The following GABRA6 variants were observed in gnomAD, a reference collection of about 807,000 sequenced individuals.
GABRA6 encodes the protein gamma-aminobutyric acid receptor subunit alpha-6.
In GABRA6, 45 loss-of-function variants were observed where a neutral mutation model predicts 47.3. The ratio of observed to expected loss-of-function variants is 0.95; its 90% CI spans 0.75 to 1.22. GABRA6 has a LOEUF of 1.22. Ranked by LOEUF, GABRA6 falls within the 50% of genes most tolerant of loss-of-function variation. The probability of loss-of-function intolerance (pLI) is 0.00; values close to 1 mark genes in which losing one functional copy is unlikely to be tolerated. For synonymous variants in GABRA6, 219 were observed against 194.7 expected, an observed-to-expected ratio of 1.12 and a Z score of -1.04; for missense variants, 583 against 549.3, an observed-to-expected ratio of 1.06 and a Z score of -0.61.
Position 161,692,008 on chromosome 5 carries a change from A to C in GABRA6, c.894A>C (p.Ser298=), listed in dbSNP as rs1191880749. 1 of 1,614,160 alleles carries C rather than the reference A, an allele frequency of 6.2e-7. No homozygotes were observed. The change falls in exon 8 of 9, where the codon TCA becomes TCC. Residue 298 remains serine (S), a synonymous_variant. Coordinates refer to ENST00000274545, the MANE Select transcript of GABRA6 (RefSeq NM_000811.3). ...CCCGGCACTCTTTGCCAAAAGTGTC[A>C]TATGCCACTGCCATGGATTGGTTCA... ...ISARHSLPKV[S]YATAMDWFIA...
chr5:161,699,131 A>C (rs1467658066), intron 8 of GABRA6, among the ~76,000 whole-genome samples: 3 of 152,182 alleles, frequency 2.0e-5, no homozygotes, highest in African/African-American at 7.2e-5. Context: ...CTTTATTCCA[A>C]ACAACTAGGC....
At chr5:161,687,431 T>A in intron 3 of GABRA6, 1 of 437,940 alleles carries the variant, frequency 2.3e-6, no homozygotes, top group Non-Finnish European at 4.5e-6. Flanking sequence ...GTATATTTTA[T>A]TAAAACAGTA....
chr5:161,700,020 C>A (rs768190299), intron 8 of GABRA6, among the ~76,000 whole-genome samples: 16 of 152,134 alleles, frequency 1.1e-4, no homozygotes, highest in Non-Finnish European at 1.6e-4. Context: ...CCCCTAAAAA[C>A]AGTGAATTTA....
At chr5:161,688,024 C>G (rs1009587508) in intron 3 of GABRA6, among the ~76,000 whole-genome samples, 1 of 152,076 alleles carries the variant, frequency 6.6e-6, no homozygotes, top group Non-Finnish European at 1.5e-5. Context: ...CAAGTATAAA[C>G]AACTACAACA....
chr5:161,700,770 T>C (rs960771812), intron 8 of GABRA6, among the ~76,000 whole-genome samples: 1 of 151,360 alleles, frequency 6.6e-6, no homozygotes. Flanking sequence ...AAATGAATCA[T>C]TTTTAGTGAC....
intron 8 of GABRA6, among the ~76,000 whole-genome samples, chr5:161,692,483 G>C (rs1009498781): frequency 1.3e-5 from 2 of 152,148 alleles, no homozygotes; most frequent in Admixed American, 1.3e-4. Flanking sequence ...TAAGCCTTTA[G>C]ATGTTTCTTT....
chr5:161,689,628 A>G lies in GABRA6; in HGVS notation c.530-8A>G. ...CACTGCTATATTTAATTTGTTTCAA[A>G]TATTTAGATGCTTATCCCAAAAGTG... On this transcript the variant is annotated splice_polypyrimidine_tract_variant and splice_region_variant and intron_variant, in intron 5 of 8. Coordinates refer to ENST00000274545, the MANE Select transcript of GABRA6 (RefSeq NM_000811.3). 6.2e-7 allele frequency: 1 copy of G among 1,604,538 alleles called. No homozygotes were observed. The highest frequency in any genetic ancestry group is 8.5e-7 in the Non-Finnish European group (1 of 1,171,806).
Position 161,690,223 on chromosome 5 carries a change from T to C in GABRA6, c.696T>C (p.Val232=), listed in dbSNP as rs752163403. 6.2e-7 allele frequency: 1 copy of C among 1,613,736 alleles called. No homozygotes were observed. Among genetic ancestry groups the C allele is most frequent in the Admixed American group, 1.7e-5 (1 of 60,024 alleles). Residue 232 remains valine (V), a synonymous_variant, in exon 7 of 9, where the codon GTT becomes GTC. Coordinates refer to ENST00000274545, the MANE Select transcript of GABRA6 (RefSeq NM_000811.3). ...SNTGEYVIMT[V]YFHLQRKMGY... ...CAGGTGAATACGTTATAATGACAGTTTACTTCCACTTGCAAAGGAAGATGG... is the reference window on the plus strand; with the variant it reads ...CAGGTGAATACGTTATAATGACAGTCTACTTCCACTTGCAAAGGAAGATGG...
intron 8 of GABRA6, among the ~76,000 whole-genome samples, chr5:161,700,669 C>T (rs528915460): frequency 6.6e-6 from 1 of 152,278 alleles, no homozygotes; most frequent in Non-Finnish European, 1.5e-5. Flanking sequence ...TGTTAAACAT[C>T]CCATTCAAGA....
intron 8 of GABRA6, among the ~76,000 whole-genome samples, chr5:161,694,217 G>A (rs1754849737): frequency 6.7e-6 from 1 of 150,326 alleles, no homozygotes; most frequent in Non-Finnish European, 1.5e-5. Flanking sequence ...TTGTCCATAG[G>A]TCATCTATAT....
intron 8 of GABRA6, among the ~76,000 whole-genome samples, chr5:161,698,642 A>T (rs947773557): frequency 1.3e-5 from 2 of 152,052 alleles, no homozygotes; most frequent in African/African-American, 4.8e-5. Context: ...GTTAAGTAAT[A>T]TTTGTCCCTA....
In GABRA6 at chr5:161,689,119, T is replaced by C. The variant is rs752192012; in HGVS notation, c.396T>C (p.Pro132=). The C allele has an allele frequency of 7.4e-5, 119 of 1,613,982 alleles. No homozygotes were observed. Among genetic ancestry groups the C allele is most frequent in the Non-Finnish European group, 9.7e-5 (115 of 1,179,990 alleles). The change falls in exon 4 of 9, where the codon CCT becomes CCC. Residue 132 remains proline (P), a synonymous_variant. Coordinates refer to ENST00000274545, the MANE Select transcript of GABRA6 (RefSeq NM_000811.3). ...KKSIAHNMTT[P]NKLFRIMQNG... ...CCATTGCTCACAACATGACAACTCC[T>C]AATAAACTCTTCAGAATAATGCAGA...
At chr5:161,686,076 GA>G (rs1777131695) in intron 1 of GABRA6, 49 bp downstream of exon 1, 1 of 1,564,758 alleles carries the variant, frequency 6.4e-7, no homozygotes, top group Non-Finnish European at 8.8e-7. Flanking sequence ...CAGAGGAAAG[GA>G]AAAGTATACA....
intron 8 of GABRA6, among the ~76,000 whole-genome samples, chr5:161,694,895 T>C (rs1197774809): frequency 6.6e-6 from 1 of 151,996 alleles, no homozygotes; most frequent in Non-Finnish European, 1.5e-5. Flanking sequence ...CAAGTTGTCT[T>C]ATATGATATA....
intron 7 of GABRA6, among the ~76,000 whole-genome samples, chr5:161,691,673 C>T (rs1310341288): frequency 6.6e-6 from 1 of 151,898 alleles, no homozygotes. Flanking sequence ...GAACTATTTA[C>T]GACTTAAATT....
At chr5:161,687,574 G>C (rs1333837844) in intron 3 of GABRA6, 5 of 454,108 alleles carry the variant, frequency 1.1e-5, no homozygotes, top group Non-Finnish European at 2.2e-5. Flanking sequence ...AAGTAGCAAT[G>C]AAAACTTGAA....
At position 161,692,032 on chromosome 5, in the gene GABRA6, C is replaced by T; in HGVS notation, c.918C>T (p.Phe306=). The change falls in exon 8 of 9, where the codon TTC becomes TTT. Residue 306 remains phenylalanine, a synonymous_variant. Coordinates refer to ENST00000274545, the MANE Select transcript of GABRA6 (RefSeq NM_000811.3). ...CATATGCCACTGCCATGGATTGGTT[C>T]ATAGCTGTTTGCTTTGCATTCGTCT... ...KVSYATAMDW[F]IAVCFAFVFS... 1 of 1,614,150 alleles carries T rather than the reference C, an allele frequency of 6.2e-7. No individual in the cohort carries two copies. The highest frequency in any genetic ancestry group is 1.1e-5 in the South Asian group (1 of 91,084).
At chr5:161,694,044 A>T (rs1754847274) in intron 8 of GABRA6, among the ~76,000 whole-genome samples, 1 of 152,246 alleles carries the variant, frequency 6.6e-6, no homozygotes, top group East Asian at 1.9e-4. Flanking sequence ...CCAAAATATA[A>T]ATTTTGTAAC....
rs545092453 is a variant in GABRA6, at chr5:161,701,800, A to G, written c.*27A>G. 87 of 1,611,692 alleles carry G rather than the reference A, an allele frequency of 5.4e-5. 2 individuals are homozygous for G. Among genetic ancestry groups the G allele is most frequent in the South Asian group, 4.1e-4 (37 of 91,030 alleles). ...TTGCGGCCAGGACAACCTGAATTCT[A>G]TAAGTTCTTGTTTTCTGTTTCCTAT... On this transcript the variant is annotated 3_prime_UTR_variant, in exon 9 of 9. Coordinates refer to ENST00000274545, the MANE Select transcript of GABRA6 (RefSeq NM_000811.3).
Sources: gnomAD v4.1 joint callset for allele counts (sites outside exome capture counted in the v4.1 genomes callset) on GRCh38, gnomAD v4.1.1 for gene constraint, MANE v1.5 for transcripts, NCBI Gene and HGNC (gene_info 2026-07-23, HGNC 2026-07-21) for gene names.